Variants in CSMD1 observed in about 807,000 individuals in gnomAD.
CSMD1 encodes CUB and sushi domain-containing protein 1.
A neutral mutation model predicts 417.5 loss-of-function variants in CSMD1; 213 were observed. The observed-to-expected ratio is 0.51, with a 90% CI of 0.46 to 0.57. The LOEUF is 0.57. CSMD1 is among the 20% of genes least tolerant of loss of function. CSMD1 has a pLI of 0.00. For synonymous variants in CSMD1, 2,862 were observed against 1,736.8 expected (o/e 1.65, Z -16.11); for missense variants, 6,923 against 4,529.7 (o/e 1.53, Z -15.17).
intron 52 of CSMD1, among the ~76,000 whole-genome samples, chr8:3,004,033 C>G (rs1466540150): frequency 6.6e-6 from 1 of 152,134 alleles, no homozygotes; most frequent in African/African-American, 2.4e-5. Context: ...GTTGCTACAA[C>G]TCCACTGAGT....
chr8:3,787,039 T>C (rs1032722544), intron 5 of CSMD1, among the ~76,000 whole-genome samples: 1 of 152,164 alleles, frequency 6.6e-6, no homozygotes, highest in Non-Finnish European at 1.5e-5. Flanking sequence ...AACTTCTATG[T>C]GTGAAGTGTC....
chr8:4,155,330 C>T (rs1277575008), intron 3 of CSMD1, among the ~76,000 whole-genome samples: 1 of 152,144 alleles, frequency 6.6e-6, no homozygotes, highest in Non-Finnish European at 1.5e-5. Context: ...TAGAGTCTCA[C>T]CTGCATGACT....
chr8:3,202,123 G>A (rs1178104261), intron 31 of CSMD1, among the ~76,000 whole-genome samples: 1 of 152,098 alleles, frequency 6.6e-6, no homozygotes, highest in African/African-American at 2.4e-5. Context: ...AGCTGAGATT[G>A]TACCACTGCA....
At chr8:3,853,616 G>C (rs1402321264) in intron 5 of CSMD1, among the ~76,000 whole-genome samples, 2 of 151,874 alleles carry the variant, frequency 1.3e-5, no homozygotes, top group African/African-American at 2.4e-5. Context: ...AAAAAAGAAG[G>C]AGACCTTGTG....
chr8:4,192,017 G>A (rs997228549), intron 3 of CSMD1, among the ~76,000 whole-genome samples: 10 of 152,092 alleles, frequency 6.6e-5, no homozygotes, highest in Non-Finnish European at 1.0e-4. Flanking sequence ...CAAGCTTCCC[G>A]CTGTTGCCAA....
intron 59 of CSMD1, 126 bp downstream of exon 59, chr8:2,965,649 C>A: frequency 7.0e-6 from 5 of 715,338 alleles, no homozygotes; most frequent in Non-Finnish European, 6.8e-6. Context: ...TTAATAGTTG[C>A]AAATTGCTGT....
intron 7 of CSMD1, among the ~76,000 whole-genome samples, chr8:3,621,981 G>C (rs1192981272): frequency 4.0e-5 from 5 of 125,912 alleles, no homozygotes; most frequent in Non-Finnish European, 6.7e-5. Flanking sequence ...CTCTCTTTGT[G>C]TGTGTGTGTA....
At chr8:4,799,532 G>C (rs6988081) in intron 1 of CSMD1, among the ~76,000 whole-genome samples, 49,765 of 145,522 alleles carry the variant, frequency 0.34, 9,570 homozygotes, top group Admixed American at 0.51. Context: ...CCAGGAGGCG[G>C]AGGTTGCAGT....
At chr8:3,889,600 G>T (rs183120226) in intron 5 of CSMD1, among the ~76,000 whole-genome samples, 350 of 149,426 alleles carry the variant, frequency 2.3e-3, no homozygotes, top group Non-Finnish European at 4.2e-3. Context: ...TGCTCATTAG[G>T]TCATAAGTTC....
chr8:4,279,545 T>A (rs560850122), intron 3 of CSMD1, among the ~76,000 whole-genome samples: 1 of 152,334 alleles, frequency 6.6e-6, no homozygotes. Context: ...ACTTTAGCAA[T>A]GTATCCTCTA....
At chr8:4,753,270 T>C (rs1284759635) in intron 1 of CSMD1, among the ~76,000 whole-genome samples, 1 of 151,408 alleles carries the variant, frequency 6.6e-6, no homozygotes, top group African/African-American at 2.4e-5. Context: ...AAATTTCCCT[T>C]ATATTGTAGA....
At chr8:4,648,671 C>T (rs1231370482) in intron 1 of CSMD1, among the ~76,000 whole-genome samples, 1 of 152,148 alleles carries the variant, frequency 6.6e-6, no homozygotes, top group South Asian at 2.1e-4. Context: ...CCATGTTTCA[C>T]CTTTTACTGG....
chr8:4,591,904 C>T (rs1273165267), intron 2 of CSMD1, among the ~76,000 whole-genome samples: 1 of 152,030 alleles, frequency 6.6e-6, no homozygotes, highest in African/African-American at 2.4e-5. Flanking sequence ...GTTGGGCAGA[C>T]ATTCTGAGGG....
chr8:2,938,826 G>A (rs938573551), intron 69 of CSMD1, 82 bp from the exon 70 acceptor site: 38 of 1,266,356 alleles, frequency 3.0e-5, no homozygotes, highest in Non-Finnish European at 3.6e-5. Flanking sequence ...AGGAGACAAC[G>A]TCTACAGAGC....
intron 2 of CSMD1, among the ~76,000 whole-genome samples, chr8:4,606,128 T>G (rs937706929): frequency 2.0e-5 from 3 of 152,156 alleles, no homozygotes; most frequent in Non-Finnish European, 4.4e-5. Flanking sequence ...ACTTGCAGGA[T>G]TAATTCACAC....
At chr8:3,980,645 G>T (rs906437853) in intron 5 of CSMD1, among the ~76,000 whole-genome samples, 1 of 151,986 alleles carries the variant, frequency 6.6e-6, no homozygotes, top group East Asian at 1.9e-4. Flanking sequence ...TGGCTTTTCT[G>T]TATCAAATGA....
At position 3,772,482 on chromosome 8, in the gene CSMD1, T is replaced by C. The variant is rs1325142817; in HGVS notation, c.819-18440A>G. ...ATACATATATACACATATATATACA[T>C]ATATACACATATATACATATATACA... On this transcript the variant is annotated intron_variant, in intron 5 of 69. Coordinates refer to ENST00000635120, the MANE Select transcript of CSMD1 (RefSeq NM_033225.6). Among the ~76,000 whole-genome samples the C allele has an allele frequency of 2.5e-4, 12 of 47,284 alleles. 2 individuals carry two copies. Among genetic ancestry groups the C allele is most frequent in the Admixed American group, 5.1e-4 (2 of 3,900 alleles). 31.0% of individuals were successfully genotyped at this position (47,284 alleles called of 152,430 possible).
intron 3 of CSMD1, among the ~76,000 whole-genome samples, chr8:4,037,587 T>C (rs1459078385): frequency 1.4e-5 from 2 of 143,600 alleles, no homozygotes; most frequent in Non-Finnish European, 3.0e-5. Context: ...CTGACAGGGA[T>C]TGCAATGGAA....
At chr8:4,427,711 A>C (rs954099836) in intron 2 of CSMD1, among the ~76,000 whole-genome samples, 2 of 152,178 alleles carry the variant, frequency 1.3e-5, no homozygotes, top group African/African-American at 2.4e-5. Context: ...TGTTCTATTC[A>C]GCATATCACT....
Sources: allele counts gnomAD v4.1 joint callset (sites outside exome capture counted in the v4.1 genomes callset), GRCh38; gene constraint gnomAD v4.1.1; transcripts MANE v1.5; gene names NCBI Gene and HGNC (gene_info 2026-07-23, HGNC 2026-07-21).